PPFIBP2: variants seen among roughly 807,000 people sequenced by gnomAD.
PPFIBP2 encodes the protein liprin-beta-2.
PPFIBP2 carries 118 observed loss-of-function variants against 118.3 expected under a neutral mutation model. The observed-to-expected ratio is 1.00, with a 90% confidence interval of 0.86 to 1.16. The LOEUF is 1.16. Among genes scored for constraint, PPFIBP2 ranks in the 50% most tolerant of loss-of-function variants. PPFIBP2 has a pLI of 0.00. For missense variants in PPFIBP2, 1,195 were observed against 1,073.1 expected (o/e 1.11, Z -1.59); for synonymous variants, 414 against 397.4 (o/e 1.04, Z -0.50).
At chr11:7,597,805 T>C in intron 5 of PPFIBP2, 132 bp downstream of exon 5, 1 of 751,708 alleles carries the variant, frequency 1.3e-6, no homozygotes, top group Non-Finnish European at 2.2e-6. Flanking sequence ...GCTGCTCAGT[T>C]GTACGGTGTT....
intron 3 of PPFIBP2, among the ~76,000 whole-genome samples, chr11:7,570,188 G>A (rs1855499849): frequency 6.6e-6 from 1 of 152,144 alleles, no homozygotes; most frequent in Non-Finnish European, 1.5e-5. Context: ...TGGCTAGGTT[G>A]GGTGGTGGAA....
intron 21 of PPFIBP2, 137 bp from the exon 22 acceptor site, chr11:7,650,703 G>A: frequency 1.2e-6 from 1 of 807,018 alleles, no homozygotes; most frequent in East Asian, 2.8e-5. Flanking sequence ...TGGCAGATGG[G>A]GTGGGTCACT....
rs148580338 is a variant in PPFIBP2 at position 7,582,397 on chromosome 11, G to A, written c.280-10735G>A. On this transcript the variant is annotated intron_variant, in intron 3 of 23. Coordinates refer to ENST00000299492, the MANE Select transcript of PPFIBP2 (RefSeq NM_003621.5). The stretch of plus-strand genomic sequence containing the variant: ...AGATGCCTGTACATTATGTTTCCTG[G>A]TATAATTTAGAAGCTAGAATTCTGC... Among the ~76,000 whole-genome samples, 626 of 152,162 alleles carry A rather than the reference G, an allele frequency of 4.1e-3. 2 individuals carry two copies. The highest frequency in any genetic ancestry group is 6.8e-3 in the Middle Eastern group (2 of 294).
chr11:7,664,135 C>T, the PPFIBP2 span, among the ~76,000 whole-genome samples: 3 of 152,196 alleles, frequency 2.0e-5, no homozygotes, highest in Non-Finnish European at 2.9e-5. Flanking sequence ...GAGCTGTAGA[C>T]CGGAGCTGTT....
intron 3 of PPFIBP2, among the ~76,000 whole-genome samples, chr11:7,567,339 A>T (rs1855113858): frequency 6.6e-6 from 1 of 152,254 alleles, no homozygotes; most frequent in African/African-American, 2.4e-5. Flanking sequence ...TTTGATCCAA[A>T]GGCAGTTGAC....
chr11:7,584,233 G>A (rs1381320654), intron 3 of PPFIBP2, among the ~76,000 whole-genome samples: 1 of 152,182 alleles, frequency 6.6e-6, no homozygotes, highest in African/African-American at 2.4e-5. Context: ...CATTCATGAC[G>A]TGTGATGATG....
intron 1 of PPFIBP2, among the ~76,000 whole-genome samples, chr11:7,540,436 G>T (rs1387286474): frequency 6.6e-6 from 1 of 152,166 alleles, no homozygotes; most frequent in Non-Finnish European, 1.5e-5. Flanking sequence ...CTGACTCCCA[G>T]GTTTTTATCT....
intron 1 of PPFIBP2, among the ~76,000 whole-genome samples, chr11:7,532,585 G>A (rs577236691): frequency 1.0e-3 from 156 of 152,300 alleles, no homozygotes; most frequent in South Asian, 1.7e-3. Flanking sequence ...CAGGCTCTCT[G>A]GCAGCAGTAG....
chr11:7,516,254 G>A (rs985976156), intron 1 of PPFIBP2, among the ~76,000 whole-genome samples: 6 of 152,198 alleles, frequency 3.9e-5, no homozygotes, highest in African/African-American at 1.4e-4. Flanking sequence ...ATAGGAAACC[G>A]GGAGGCTGAT....
chr11:7,536,997 G>T (rs1416389970), intron 1 of PPFIBP2, among the ~76,000 whole-genome samples: 1 of 152,152 alleles, frequency 6.6e-6, no homozygotes, highest in African/African-American at 2.4e-5. Flanking sequence ...GCAGACCATG[G>T]TTATACTTGG....
At chr11:7,556,005 A>G (rs1031256554) in intron 2 of PPFIBP2, among the ~76,000 whole-genome samples, 6 of 152,122 alleles carry the variant, frequency 3.9e-5, no homozygotes, top group Non-Finnish European at 7.4e-5. Context: ...CATTTTACTG[A>G]GGCTTTCCAT....
intron 5 of PPFIBP2, among the ~76,000 whole-genome samples, chr11:7,601,042 T>C (rs1249450409): frequency 6.6e-6 from 1 of 152,230 alleles, no homozygotes; most frequent in East Asian, 1.9e-4. Flanking sequence ...TCAATGAGGA[T>C]AGCCCAAACC....
chr11:7,523,228 C>T (rs1042227186), intron 1 of PPFIBP2, among the ~76,000 whole-genome samples: 1 of 152,180 alleles, frequency 6.6e-6, no homozygotes, highest in Non-Finnish European at 1.5e-5. Context: ...CCCTTCCACA[C>T]ACCTTTGCCC....
At chr11:7,648,268 T>C (rs930837814) in intron 17 of PPFIBP2, 119 bp from the exon 18 acceptor site, 11 of 1,204,090 alleles carry the variant, frequency 9.1e-6, no homozygotes, top group Non-Finnish European at 1.1e-5. Flanking sequence ...GGTTGTTTGT[T>C]AAAAAACAGG....
At chr11:7,607,939 G>C (rs546052883) in intron 5 of PPFIBP2, among the ~76,000 whole-genome samples, 5 of 152,330 alleles carry the variant, frequency 3.3e-5, no homozygotes, top group African/African-American at 1.2e-4. Context: ...CAGAAGGATG[G>C]AGAACTAGAG....
chr11:7,665,316 G>A, the PPFIBP2 span: 15 of 1,373,034 alleles, frequency 1.1e-5, no homozygotes, highest in Non-Finnish European at 1.5e-5. Flanking sequence ...TGGTGAAATT[G>A]AACTTACTCT....
chr11:7,590,318 G>T (rs536869415), intron 3 of PPFIBP2, among the ~76,000 whole-genome samples: 32 of 152,262 alleles, frequency 2.1e-4, no homozygotes, highest in African/African-American at 7.5e-4. Flanking sequence ...TGATACTGTG[G>T]GTTTCCATCT....
chr11:7,579,020 C>G lies in PPFIBP2; in HGVS notation c.279+13253C>G, dbSNP rs372573428. Among the ~76,000 whole-genome samples, 26 of 150,492 alleles carry G rather than the reference C, an allele frequency of 1.7e-4. No homozygotes were observed. In the South Asian group the frequency reaches 5.3e-3, roughly 30 times the overall value. On this transcript the variant is annotated intron_variant, in intron 3 of 23. Transcript: ENST00000299492. ...GGTTTGTGTGCTGGGGGACTTGTAG[C>G]AGGGAAGTGACATGGGATACATTGG...
intron 3 of PPFIBP2, among the ~76,000 whole-genome samples, chr11:7,566,255 T>C (rs755470863): frequency 2.0e-5 from 3 of 152,260 alleles, no homozygotes; most frequent in Non-Finnish European, 4.4e-5. Flanking sequence ...GGCTAAACTT[T>C]TGAAAATTAG....
Sources: gnomAD v4.1 joint callset for allele counts (sites outside exome capture counted in the v4.1 genomes callset) on GRCh38, gnomAD v4.1.1 for gene constraint, MANE v1.5 for transcripts, NCBI Gene and HGNC (gene_info 2026-07-23, HGNC 2026-07-21) for gene names.